Variants in DGKQ observed in about 807,000 individuals in gnomAD.
The protein encoded by DGKQ is DAG kinase theta.
In DGKQ, 97 loss-of-function variants were observed where a neutral mutation model predicts 104.2. The ratio of observed to expected loss-of-function variants is 0.93; its 90% CI spans 0.79 to 1.10. The LOEUF (loss-of-function observed/expected upper bound fraction) is 1.10. Among genes scored for constraint, DGKQ ranks in the 50% least tolerant of loss-of-function variants. The pLI, the probability that DGKQ is intolerant of heterozygous loss-of-function variation, is 0.00. For missense variants in DGKQ, 1,465 were observed against 1,352.1 expected, an observed-to-expected ratio of 1.08 and a Z score of -1.31; for synonymous variants, 736 against 595.2, an observed-to-expected ratio of 1.24 and a Z score of -3.44.
Position 965,191 on chromosome 4 carries a change from C to T in DGKQ, c.1719G>A (p.Val573=), listed in dbSNP as rs539338290. 8.4e-5 allele frequency: 135 copies of T among 1,612,488 alleles called. No homozygotes were observed. The highest frequency in any genetic ancestry group is 3.5e-4 in the Admixed American group (21 of 60,026). ...GCACACTCACCAGCAGGTCGGGGAG[C>T]ACCAGGGCAGTGAGCAGCCGGCCCC... The part of the protein sequence containing the change: ...AVRGRLLTAL[V]LPDLLHAKLP... The change falls in exon 15 of 23, where the codon GTG becomes GTA. Residue 573 remains valine (V), a synonymous_variant. Coordinates refer to ENST00000273814, the MANE Select transcript of DGKQ (RefSeq NM_001347.4).
chr4:965,312 TC>T (rs1228352394), intron 14 of DGKQ, 21 bp from the exon 15 acceptor site: 2 of 1,607,858 alleles, frequency 1.2e-6, no homozygotes, highest in Non-Finnish European at 1.7e-6. Context: ...AGCCCAGGAC[TC>T]AGGGGGAGCC....
chr4:961,505 G>A lies in DGKQ; in HGVS notation c.2536C>T (p.Leu846=), dbSNP rs1234620467. The A allele has an allele frequency of 8.1e-6, 13 of 1,607,758 alleles. No individual in the cohort carries two copies. The highest frequency in any genetic ancestry group is 1.1e-5 in the Non-Finnish European group (13 of 1,178,196). Residue 846 remains leucine, a synonymous_variant, in exon 21 of 23, where the codon CTG becomes TTG. Transcript: ENST00000273814. ...RFEKPRMDDG[L]LEVVGVTGVV... is the part of the protein sequence containing the mutation. ...CCCGTCACGCCCACAACCTCCAGCAGCCCGTCGTCCATGCGTGGCTTCTCA... is the reference window on the plus strand; with the variant it reads ...CCCGTCACGCCCACAACCTCCAGCAACCCGTCGTCCATGCGTGGCTTCTCA...
chr4:963,400 C>T, intron 15 of DGKQ, 110 bp from the exon 16 acceptor site: 2 of 998,194 alleles, frequency 2.0e-6, no homozygotes, highest in Non-Finnish European at 2.9e-6. Context: ...TGGCTTGGAC[C>T]AGCCCCCTCC....
At chr4:964,230 G>T (rs1269454561) in intron 15 of DGKQ, 2 of 154,426 alleles carry the variant, frequency 1.3e-5, no homozygotes, top group African/African-American at 4.8e-5. Context: ...CCGGGTGTAG[G>T]GGCACAGGAG....
In DGKQ at chr4:961,675, C is replaced by A; in HGVS notation, c.2462+13G>T. On this transcript the variant is annotated intron_variant, in intron 20 of 22. Transcript: ENST00000273814. Reference sequence around the variant, plus strand: ...GCCGGGCAGAGCCTCTGGGGAGCCCCGCCCGCGAGCACCTGGGGATGTTGA... The same window carrying A: ...GCCGGGCAGAGCCTCTGGGGAGCCCAGCCCGCGAGCACCTGGGGATGTTGA... The A allele has an allele frequency of 6.2e-7, 1 of 1,612,202 alleles. No individual in the cohort carries two copies. Among genetic ancestry groups the A allele is most frequent in the Non-Finnish European group, 8.5e-7 (1 of 1,179,868 alleles).
rs527958639 is a variant in DGKQ at position 966,733 on chromosome 4, G to A, written c.1366+15C>T. The A allele has an allele frequency of 3.9e-5, 63 of 1,603,824 alleles. No homozygotes were observed. The highest frequency in any genetic ancestry group is 1.8e-4 in the East Asian group (8 of 44,418). On this transcript the variant is annotated intron_variant, in intron 11 of 22. Transcript: ENST00000273814. ...GTGCAGGGACCGCCACGCCCAGCACGGGCTGTCTACTCACCGTGCCTGCAG... is the reference window on the plus strand; with the variant it reads ...GTGCAGGGACCGCCACGCCCAGCACAGGCTGTCTACTCACCGTGCCTGCAG...
At position 963,288 on chromosome 4, in the gene DGKQ, G is replaced by C. The variant is rs546028944; in HGVS notation, c.1737C>G (p.His579Gln). 1 of 1,600,050 alleles carries C rather than the reference G, an allele frequency of 6.2e-7. No homozygotes were observed. The highest frequency in any genetic ancestry group is 1.7e-5 in the Admixed American group (1 of 59,486). ...GACAGCTGTCTGGGGGCAGCTTCGC[G>C]TGCTGACAGACAGGGGGCTGGGTTA... is the stretch of plus-strand genomic sequence containing the variant. The part of the protein sequence containing the change: ...LTALVLPDLL[H>Q]AKLPPDSCPL... Residue 579 changes from histidine to glutamine, a missense_variant and splice_region_variant, in exon 16 of 23, where the codon CAC (histidine) becomes CAG (glutamine). Coordinates refer to ENST00000273814, the MANE Select transcript of DGKQ (RefSeq NM_001347.4).
chr4:967,600 GCTT>G lies in DGKQ; in HGVS notation c.933_935del (p.Arg311del), dbSNP rs750692268. On this transcript the variant is annotated inframe_deletion, in exon 8 of 23. Transcript: ENST00000273814. ...GGGACACCGTGACGAGGCGGAACTG[GCTT>G]CTTCTCACCGCGTCGTCGCCATCAA... 1.4e-5 allele frequency: 22 copies of G among 1,612,596 alleles called. No homozygotes were observed. In the South Asian group the frequency reaches 1.8e-4, roughly 13 times the overall value.
intron 2 of DGKQ, among the ~76,000 whole-genome samples, chr4:970,540 G>A (rs1434312132): frequency 1.3e-5 from 2 of 152,224 alleles, no homozygotes; most frequent in Non-Finnish European, 2.9e-5. Flanking sequence ...TCCTTGAGAT[G>A]CTTGTGGGTT....
At position 963,231 on chromosome 4, in the gene DGKQ, T is replaced by G. The variant is rs770762938; in HGVS notation, c.1794A>C (p.Gly598=). The G allele has an allele frequency of 1.9e-6, 3 of 1,611,554 alleles. No individual in the cohort carries two copies. Among genetic ancestry groups the G allele is most frequent in the Non-Finnish European group, 2.5e-6 (3 of 1,178,894 alleles). The change falls in exon 16 of 23, where the codon GGA becomes GGC. Residue 598 remains glycine, a synonymous_variant. Coordinates refer to ENST00000273814, the MANE Select transcript of DGKQ (RefSeq NM_001347.4). ...PLLVFVNPKS[G]GLKGRDLLCS... is the part of the protein sequence containing the mutation. The stretch of plus-strand genomic sequence containing the variant: ...AGAGCAGGTCTCGGCCCTTGAGGCC[T>G]CCACTCTTGGGGTTCACGAACACAA...
rs781093950 is a variant in DGKQ at position 966,054 on chromosome 4, T to C, written c.1453A>G (p.Thr485Ala). The change falls in exon 13 of 23, where the codon ACG becomes GCG. Residue 485 changes from threonine (T) to alanine (A), a missense_variant. Transcript: ENST00000273814. ...CTGCTCTCTGCCACGTAGAACCGCG[T>C]CTGGCTCACCTGCCGCACAGACATC... ...RQMSVRQVSQ[T>A]RFYVAESRDV... 33 of 1,603,424 alleles carry C rather than the reference T, an allele frequency of 2.1e-5. No individual in the cohort carries two copies. The highest frequency in any genetic ancestry group is 2.7e-5 in the Non-Finnish European group (32 of 1,176,188).
At position 966,042 on chromosome 4, in the gene DGKQ, C is replaced by T. The variant is rs150003997; in HGVS notation, c.1465G>A (p.Val489Met). 911 of 1,603,254 alleles carry T rather than the reference C, an allele frequency of 5.7e-4. 7 individuals carry two copies. Among genetic ancestry groups the T allele is most frequent in the Middle Eastern group, 1.6e-4 (1 of 6,066 alleles). Reference protein sequence around the residue: ...VRQVSQTRFYVAESRDVAPHV... With the variant: ...VRQVSQTRFYMAESRDVAPHV... ...GGGGCTACATCCCTGCTCTCTGCCA[C>T]GTAGAACCGCGTCTGGCTCACCTGC... The change falls in exon 13 of 23, where the codon GTG becomes ATG. Residue 489 changes from valine to methionine, a missense_variant. By Grantham distance (21) the Val-to-Met change is conservative (BLOSUM62 1). Transcript: ENST00000273814.
chr4:961,263 C>T, intron 21 of DGKQ, 62 bp from the exon 22 acceptor site: 4 of 1,374,306 alleles, frequency 2.9e-6, no homozygotes, highest in Non-Finnish European at 3.8e-6. Context: ...CTGACCTGGC[C>T]CTGGGGCGGG....
In DGKQ at chr4:960,226, A is replaced by C; in HGVS notation, c.*394T>G. 4.9e-6 allele frequency: 1 copy of C among 205,794 alleles called. No homozygotes were observed. The highest frequency in any genetic ancestry group is 9.9e-6 in the Non-Finnish European group (1 of 101,092). The allele number at this position is 205,794 out of a possible 1,614,324, so 12.7% of individuals were successfully genotyped here. ...GGGACGGCCCGAGGGGCACAAAGTG[A>C]GATCAGACCCACCTGGACGGCCTGC... is the stretch of plus-strand genomic sequence containing the variant. On this transcript the variant is annotated 3_prime_UTR_variant, in exon 23 of 23. Transcript: ENST00000273814.
intron 11 of DGKQ, 86 bp downstream of exon 11, chr4:966,662 G>T: frequency 6.6e-7 from 1 of 1,513,996 alleles, no homozygotes; most frequent in Non-Finnish European, 9.0e-7. Context: ...TTGATGTCCG[G>T]CACCACCCTG....
intron 10 of DGKQ, 49 bp from the exon 11 acceptor site, chr4:966,851 C>T (rs1417965768): frequency 6.3e-7 from 1 of 1,584,688 alleles, no homozygotes; most frequent in Admixed American, 1.8e-5. Context: ...CCCACCACCT[C>T]AGGACACCCG....
In DGKQ at chr4:960,453, G is replaced by A. The variant is rs2153007419; in HGVS notation, c.*167C>T. ...CACCAACATGTGTCACCAATGGGAT[G>A]AGGGCGGGTCCCGCTCCGTCACTGG... is the stretch of plus-strand genomic sequence containing the variant. On this transcript the variant is annotated 3_prime_UTR_variant, in exon 23 of 23. Transcript: ENST00000273814. 1 of 626,024 alleles carries A rather than the reference G, an allele frequency of 1.6e-6. No homozygotes were observed. The highest frequency in any genetic ancestry group is 2.8e-6 in the Non-Finnish European group (1 of 352,012). The allele number at this position is 626,024 out of a possible 1,614,324, so 38.8% of individuals were successfully genotyped here. A position where few individuals can be genotyped will look rare whatever the true frequency, so the allele number is the denominator to read the frequency against.
chr4:973,088 G>A, intron 1 of DGKQ, 124 bp downstream of exon 1: 1 of 1,275,734 alleles, frequency 7.8e-7, no homozygotes. Flanking sequence ...GGCACGTCCC[G>A]CGAGCAGGGC....
At position 967,241 on chromosome 4, in the gene DGKQ, T is replaced by C. The variant is rs745567697; in HGVS notation, c.1108A>G (p.Ile370Val). 1.5e-5 allele frequency: 23 copies of C among 1,568,892 alleles called. No individual in the cohort carries two copies. Among genetic ancestry groups the C allele is most frequent in the Admixed American group, 7.1e-5 (4 of 56,094 alleles). The change falls in exon 9 of 23, where the codon ATC becomes GTC. Residue 370 changes from isoleucine (I) to valine (V), a missense_variant. Coordinates refer to ENST00000273814, the MANE Select transcript of DGKQ (RefSeq NM_001347.4). ...WAGGKAGSAV[I>V]SEEGRSPGSG... is the part of the protein sequence containing the mutation. ...CCGGGGCTTCTGCCCTCCTCCGAGA[T>C]CACAGCACTCCCAGCCTTGCCCCCA...
Sources: gnomAD v4.1 joint callset for allele counts (sites outside exome capture counted in the v4.1 genomes callset) on GRCh38, gnomAD v4.1.1 for gene constraint, MANE v1.5 for transcripts, NCBI Gene and HGNC (gene_info 2026-07-23, HGNC 2026-07-21) for gene names.